DOCK10: variants seen among roughly 807,000 people sequenced by gnomAD.
DOCK10 encodes dedicator of cytokinesis 10.
A neutral mutation model predicts 280.1 loss-of-function variants in DOCK10; 145 were observed. The ratio of observed to expected loss-of-function variants is 0.52; its 90% CI spans 0.45 to 0.59. The LOEUF is 0.59. Ranked by LOEUF, DOCK10 falls within the 20% of genes least tolerant of loss-of-function variation. The pLI is 0.00. For missense variants in DOCK10, 2,368 were observed against 2,651.7 expected, an observed-to-expected ratio of 0.89 and a Z score of 2.35; for synonymous variants, 915 against 942.2, an observed-to-expected ratio of 0.97 and a Z score of 0.53.
chr2:224,997,347 T>C (rs918184182), intron 1 of DOCK10, among the ~76,000 whole-genome samples: 1 of 152,080 alleles, frequency 6.6e-6, no homozygotes, highest in African/African-American at 2.4e-5. Context: ...TTCTCCTGCC[T>C]CAGCCTCCCG....
chr2:224,913,973 G>A (rs781387942), intron 3 of DOCK10, among the ~76,000 whole-genome samples: 8 of 152,046 alleles, frequency 5.3e-5, no homozygotes, highest in East Asian at 1.9e-4. Flanking sequence ...TCCTGACCTC[G>A]TGATCCGCCT....
chr2:225,014,484 A>C (rs1225959851), intron 1 of DOCK10, among the ~76,000 whole-genome samples: 1 of 152,134 alleles, frequency 6.6e-6, no homozygotes, highest in Non-Finnish European at 1.5e-5. Flanking sequence ...GGATGAGATT[A>C]GTCATCTTAC....
chr2:225,023,112 C>T (rs564949372), intron 1 of DOCK10, among the ~76,000 whole-genome samples: 9 of 152,040 alleles, frequency 5.9e-5, no homozygotes, highest in African/African-American at 1.2e-4. Flanking sequence ...CTTGGCTCAC[C>T]GCAACCTCTG....
At position 224,787,070 on chromosome 2, in the gene DOCK10, C is replaced by T. The variant is rs371034094; in HGVS notation, c.5607G>A (p.Ser1869=). The T allele has an allele frequency of 2.2e-5, 36 of 1,613,998 alleles. No individual in the cohort carries two copies. Among genetic ancestry groups the T allele is most frequent in the Admixed American group, 1.3e-4 (8 of 60,020 alleles). The change falls in exon 50 of 56, where the codon TCG becomes TCA. Residue 1869 remains serine, a synonymous_variant. Coordinates refer to ENST00000258390, the MANE Select transcript of DOCK10 (RefSeq NM_014689.3). ...SYLKVAEVVN[S]EKRLFGRYYR... Reference sequence around the variant, plus strand: ...AGTAGCGACCAAACAGCCGCTTCTCCGAATTCACCACCTCTGCCACTTTCA... The same window carrying T: ...AGTAGCGACCAAACAGCCGCTTCTCTGAATTCACCACCTCTGCCACTTTCA...
In DOCK10 at chr2:224,862,682, G is replaced by A; in HGVS notation, c.1667C>T (p.Pro556Leu). The stretch of plus-strand genomic sequence containing the variant: ...AACATACCTTACTGCCCAAGCAAAA[G>A]GCATACGGTATTTTCCCAATTTGCT... ...FCSKLGKYRM[P>L]FAWAVRSVFK... The change falls in exon 14 of 56, where the codon CCT (proline) becomes CTT (leucine). Residue 556 changes from proline (P) to leucine (L), a missense_variant. Physicochemically the swap from Pro to Leu is moderately conservative, Grantham distance 98. Transcript: ENST00000258390. The A allele has an allele frequency of 6.2e-7, 1 of 1,613,110 alleles. No individual in the cohort carries two copies. Among genetic ancestry groups the A allele is most frequent in the Admixed American group, 1.7e-5 (1 of 59,984 alleles).
intron 50 of DOCK10, among the ~76,000 whole-genome samples, chr2:224,782,093 T>C (rs1691381609): frequency 6.6e-6 from 1 of 152,182 alleles, no homozygotes; most frequent in African/African-American, 2.4e-5. Context: ...TCTCTTAGCA[T>C]ATAAATCTGA....
chr2:224,930,071 T>G (rs550854659), intron 2 of DOCK10, among the ~76,000 whole-genome samples: 3 of 151,680 alleles, frequency 2.0e-5, no homozygotes, highest in Non-Finnish European at 4.4e-5. Context: ...TGTGGTGGCA[T>G]GCACCTGTAA....
intron 55 of DOCK10, among the ~76,000 whole-genome samples, chr2:224,769,814 G>A (rs762625474): frequency 1.3e-5 from 2 of 152,210 alleles, no homozygotes; most frequent in African/African-American, 2.4e-5. Flanking sequence ...CGTGAGTATA[G>A]TGTAGAGACC....
intron 48 of DOCK10, among the ~76,000 whole-genome samples, chr2:224,787,760 G>A (rs1291584907): frequency 6.6e-6 from 1 of 152,070 alleles, no homozygotes; most frequent in Admixed American, 6.5e-5. Context: ...ATCTGATCAT[G>A]AGATCTCCAG....
intron 1 of DOCK10, among the ~76,000 whole-genome samples, chr2:225,007,647 A>T (rs1689311748): frequency 6.6e-6 from 1 of 152,330 alleles, no homozygotes; most frequent in African/African-American, 2.4e-5. Context: ...TATTTAGAAT[A>T]AAAAAGGTGG....
intron 44 of DOCK10, among the ~76,000 whole-genome samples, chr2:224,795,329 G>T (rs1250708861): frequency 6.6e-6 from 1 of 152,140 alleles, no homozygotes; most frequent in African/African-American, 2.4e-5. Flanking sequence ...CCTTCTTCTG[G>T]TGAAACGTCC....
At chr2:224,963,687 G>T (rs905471321) in intron 1 of DOCK10, among the ~76,000 whole-genome samples, 4 of 152,192 alleles carry the variant, frequency 2.6e-5, no homozygotes, top group African/African-American at 9.6e-5. Context: ...AAGTGACAGA[G>T]ATTTATTTTA....
chr2:225,031,411 C>G (rs1220649000), intron 1 of DOCK10, among the ~76,000 whole-genome samples: 1 of 152,192 alleles, frequency 6.6e-6, no homozygotes, highest in African/African-American at 2.4e-5. Flanking sequence ...AATAAAATGG[C>G]CTATACCTTG....
At chr2:224,784,210 G>T (rs192661515) in intron 50 of DOCK10, among the ~76,000 whole-genome samples, 136 of 152,178 alleles carry the variant, frequency 8.9e-4, no homozygotes, top group African/African-American at 2.9e-3. Flanking sequence ...TCACCTCTGA[G>T]AATGCTTAGA....
intron 31 of DOCK10, among the ~76,000 whole-genome samples, chr2:224,811,943 G>C (rs1693812806): frequency 6.6e-6 from 1 of 152,040 alleles, no homozygotes; most frequent in Admixed American, 6.6e-5. Flanking sequence ...TTGTTCTTTT[G>C]GCTTAGGATT....
intron 50 of DOCK10, among the ~76,000 whole-genome samples, chr2:224,780,963 T>C (rs1486044693): frequency 4.6e-5 from 7 of 152,024 alleles, no homozygotes; most frequent in Non-Finnish European, 1.0e-4. Flanking sequence ...CCCTCCTCCT[T>C]GGGCTGTGGG....
intron 4 of DOCK10, 48 bp from the exon 5 acceptor site, chr2:224,886,579 T>C (rs558985293): frequency 1.3e-6 from 2 of 1,498,032 alleles, no homozygotes; most frequent in Non-Finnish European, 1.8e-6. Context: ...TGGAGACAGC[T>C]TTCATTTTAA....
intron 1 of DOCK10, among the ~76,000 whole-genome samples, chr2:225,016,630 TAC>T (rs1260217708): frequency 1.6e-4 from 5 of 31,146 alleles, no homozygotes; most frequent in Non-Finnish European, 2.8e-4. Context: ...TGCACATAGA[TAC>T]ATATATCTAT....
intron 19 of DOCK10, among the ~76,000 whole-genome samples, chr2:224,846,331 A>G (rs532198668): frequency 6.6e-6 from 1 of 152,340 alleles, no homozygotes; most frequent in South Asian, 2.1e-4. Context: ...AATAAACAGT[A>G]AGTCCGTGCC....
Sources: gnomAD v4.1 joint callset for allele counts (sites outside exome capture counted in the v4.1 genomes callset) on GRCh38, gnomAD v4.1.1 for gene constraint, MANE v1.5 for transcripts, NCBI Gene and HGNC (gene_info 2026-07-23, HGNC 2026-07-21) for gene names.